The following SLC24A2 variants were observed in gnomAD, a reference collection of about 807,000 sequenced individuals.
The protein encoded by SLC24A2 is solute carrier family 24 member 2, also known as sodium/potassium/calcium exchanger 2.
SLC24A2 carries 36 observed loss-of-function variants against 62.0 expected under a neutral mutation model. That is an observed-to-expected ratio of 0.58 (90% CI 0.44 to 0.77). SLC24A2 has a LOEUF of 0.77. SLC24A2 is among the 30% of genes least tolerant of loss of function. SLC24A2 has a pLI of 0.00. For missense variants in SLC24A2, 846 were observed against 817.9 expected (o/e 1.03, Z -0.42); for synonymous variants, 358 against 294.0 (o/e 1.22, Z -2.23).
At position 19,537,119 on chromosome 9, in the gene SLC24A2, T is replaced by C. The variant is rs894061728; in HGVS notation, c.1480-8981A>G. ...GGATATTAGCCCTTTGTGAGATGAG[T>C]AGGTTGCGAAAATTTTCTCCCATGT... On this transcript the variant is annotated intron_variant, in intron 8 of 10. Transcript: ENST00000341998. 1.4e-4 allele frequency among the ~76,000 whole-genome samples: 21 copies of C among 151,356 alleles called. 1 individual carries two copies. Among genetic ancestry groups the C allele is most frequent in the Non-Finnish European group, 2.5e-4 (17 of 67,818 alleles).
At chr9:20,305,409 A>T in the SLC24A2 span, among the ~76,000 whole-genome samples, 1 of 152,128 alleles carries the variant, frequency 6.6e-6, no homozygotes, top group African/African-American at 2.4e-5. Context: ...CCAGCCGATA[A>T]TACCATTTTA....
intron 7 of SLC24A2, among the ~76,000 whole-genome samples, chr9:19,566,124 T>G (rs1187489787): frequency 2.0e-5 from 3 of 152,020 alleles, no homozygotes; most frequent in Non-Finnish European, 4.4e-5. Flanking sequence ...TGGAATCGAA[T>G]TAAACTAAGG....
chr9:19,542,266 G>T (rs1834308284), intron 8 of SLC24A2, among the ~76,000 whole-genome samples: 1 of 152,224 alleles, frequency 6.6e-6, no homozygotes. Flanking sequence ...GTATATGAAT[G>T]CTTGTGATTT....
chr9:20,100,204 G>T, the SLC24A2 span, among the ~76,000 whole-genome samples: 1 of 151,208 alleles, frequency 6.6e-6, no homozygotes, highest in Non-Finnish European at 1.5e-5. Flanking sequence ...GTTTTTGTTT[G>T]TTTTTTTTGT....
intron 2 of SLC24A2, among the ~76,000 whole-genome samples, chr9:19,627,985 A>C (rs1339122083): frequency 6.6e-6 from 1 of 152,232 alleles, no homozygotes; most frequent in Non-Finnish European, 1.5e-5. Context: ...GAACATTAGC[A>C]CAAACTTTTA....
chr9:19,609,895 A>G (rs1837099246), intron 4 of SLC24A2, among the ~76,000 whole-genome samples: 1 of 152,122 alleles, frequency 6.6e-6, no homozygotes, highest in Admixed American at 6.5e-5. Context: ...ACAGTTCACC[A>G]TAGAGTTCAC....
At chr9:19,546,400 T>C (rs948733648) in intron 8 of SLC24A2, among the ~76,000 whole-genome samples, 2 of 152,118 alleles carry the variant, frequency 1.3e-5, no homozygotes, top group Non-Finnish European at 2.9e-5. Flanking sequence ...AGGAGGAATC[T>C]ATAGAAGCAG....
chr9:19,708,944 G>T (rs1820623045), intron 2 of SLC24A2, among the ~76,000 whole-genome samples: 1 of 151,976 alleles, frequency 6.6e-6, no homozygotes, highest in South Asian at 2.1e-4. Context: ...CACAGCAAAA[G>T]AAACTACCAT....
the SLC24A2 span, among the ~76,000 whole-genome samples, chr9:20,240,000 G>A: frequency 1.3e-5 from 2 of 151,884 alleles, no homozygotes; most frequent in Admixed American, 6.6e-5. Context: ...GTAACCATCC[G>A]GGAAGCTTAG....
At chr9:20,235,526 G>A in the SLC24A2 span, among the ~76,000 whole-genome samples, 7 of 152,232 alleles carry the variant, frequency 4.6e-5, no homozygotes, top group Non-Finnish European at 1.0e-4. Flanking sequence ...AGGACCCTCT[G>A]AGCCATATGC....
chr9:19,710,297 G>C (rs908738207), intron 2 of SLC24A2, among the ~76,000 whole-genome samples: 22 of 152,120 alleles, frequency 1.4e-4, no homozygotes, highest in African/African-American at 5.1e-4. Flanking sequence ...GATGCTTTCA[G>C]GTAAGGGGAC....
the SLC24A2 span, among the ~76,000 whole-genome samples, chr9:20,110,737 A>G: frequency 1.3e-5 from 2 of 152,202 alleles, no homozygotes; most frequent in African/African-American, 4.8e-5. Context: ...TGTTGATCCA[A>G]TGAAAATTCA....
chr9:19,709,485 G>C (rs1820646310), intron 2 of SLC24A2, among the ~76,000 whole-genome samples: 1 of 152,006 alleles, frequency 6.6e-6, no homozygotes, highest in African/African-American at 2.4e-5. Flanking sequence ...ATTCACAATA[G>C]CAAAGACTTG....
rs371574599 is a variant in SLC24A2, at chr9:19,675,859, C to T, written c.931-53560G>A. Reference sequence around the variant, plus strand: ...TCTGCACTCCCTATTCACCCCCTCCCCTGACTTCTGTCCAGGAAACTTCAT... The same window carrying T: ...TCTGCACTCCCTATTCACCCCCTCCTCTGACTTCTGTCCAGGAAACTTCAT... On this transcript the variant is annotated intron_variant, in intron 2 of 10. Coordinates refer to ENST00000341998, the MANE Select transcript of SLC24A2 (RefSeq NM_020344.4). Among the ~76,000 whole-genome samples, 4 of 152,314 alleles carry T rather than the reference C, an allele frequency of 2.6e-5. No individual in the cohort carries two copies. The East Asian group carries it at 5.8e-4, about 22-fold the overall frequency.
At chr9:19,567,001 C>T (rs1040710544) in intron 7 of SLC24A2, among the ~76,000 whole-genome samples, 3 of 149,650 alleles carry the variant, frequency 2.0e-5, no homozygotes, top group African/African-American at 7.7e-5. Context: ...GGAGATATAT[C>T]TAATGTAAAT....
chr9:20,262,254 C>T, the SLC24A2 span, among the ~76,000 whole-genome samples: 4 of 152,066 alleles, frequency 2.6e-5, no homozygotes, highest in African/African-American at 7.2e-5. Context: ...TGGGGTTGGG[C>T]GAACATGGTT....
the SLC24A2 span, among the ~76,000 whole-genome samples, chr9:19,983,397 C>T: frequency 6.6e-6 from 1 of 152,174 alleles, no homozygotes; most frequent in African/African-American, 2.4e-5. Flanking sequence ...GTAATCCCAG[C>T]ACTTTGGGAG....
the SLC24A2 span, among the ~76,000 whole-genome samples, chr9:19,840,207 C>A: frequency 6.6e-6 from 1 of 152,102 alleles, no homozygotes; most frequent in African/African-American, 2.4e-5. Context: ...TATTCCTGTA[C>A]ATAGACTTTC....
chr9:19,731,760 A>G (rs938710602), intron 2 of SLC24A2, among the ~76,000 whole-genome samples: 1 of 152,214 alleles, frequency 6.6e-6, no homozygotes, highest in Non-Finnish European at 1.5e-5. Context: ...AACATCAAAT[A>G]TAATACCAAG....
Sources: gnomAD v4.1 joint callset for allele counts (sites outside exome capture counted in the v4.1 genomes callset) on GRCh38, gnomAD v4.1.1 for gene constraint, MANE v1.5 for transcripts, NCBI Gene and HGNC (gene_info 2026-07-23, HGNC 2026-07-21) for gene names.